PGCKA1: variants seen among roughly 807,000 people sequenced by gnomAD.
PGCKA1 encodes PDCD10 and GCKIII kinases-associated protein 1.
chr4:37,560,916 C>T, the PGCKA1 span, among the ~76,000 whole-genome samples: 1 of 151,284 alleles, frequency 6.6e-6, no homozygotes, highest in Admixed American at 6.6e-5. Context: ...ACGAAACCAT[C>T]CTATAATCCT....
chr4:37,545,943 T>C, the PGCKA1 span, among the ~76,000 whole-genome samples: 1 of 152,210 alleles, frequency 6.6e-6, no homozygotes, highest in Non-Finnish European at 1.5e-5. Flanking sequence ...GAAGTCCTAC[T>C]TTGTATTTCT....
chr4:37,559,888 G>A, the PGCKA1 span, among the ~76,000 whole-genome samples: 1 of 152,148 alleles, frequency 6.6e-6, no homozygotes, highest in African/African-American at 2.4e-5. Flanking sequence ...AGTGGTGCAT[G>A]CATTATTCTT....
At chr4:37,475,870 A>C in the PGCKA1 span, among the ~76,000 whole-genome samples, 1 of 151,922 alleles carries the variant, frequency 6.6e-6, no homozygotes, top group African/African-American at 2.4e-5. Flanking sequence ...AATTCAAAAT[A>C]ATTTTTATTT....
the PGCKA1 span, among the ~76,000 whole-genome samples, chr4:37,499,510 A>G: frequency 6.6e-6 from 1 of 152,114 alleles, no homozygotes; most frequent in Non-Finnish European, 1.5e-5. Context: ...TAAGGGATTC[A>G]ATTTCTTCCT....
the PGCKA1 span, among the ~76,000 whole-genome samples, chr4:37,567,688 C>T: frequency 9.0e-4 from 137 of 152,202 alleles, 1 homozygote; most frequent in African/African-American, 3.1e-3. Context: ...CACACACACA[C>T]GACTATACGC....
chr4:37,548,139 C>A, the PGCKA1 span, among the ~76,000 whole-genome samples: 2 of 151,156 alleles, frequency 1.3e-5, no homozygotes, highest in African/African-American at 4.9e-5. Context: ...AGTTGAGACA[C>A]GTTGAAAAAT....
the PGCKA1 span, among the ~76,000 whole-genome samples, chr4:37,507,461 G>C: frequency 2.6e-5 from 4 of 151,638 alleles, no homozygotes; most frequent in Non-Finnish European, 2.9e-5. Context: ...TTTGACTTTA[G>C]GTTACCATCT....
chr4:37,544,134 C>A, the PGCKA1 span, among the ~76,000 whole-genome samples: 1 of 152,162 alleles, frequency 6.6e-6, no homozygotes, highest in Admixed American at 6.5e-5. Context: ...CCTACCCTCT[C>A]ACTTAATTGG....
the PGCKA1 span, among the ~76,000 whole-genome samples, chr4:37,531,749 G>A: frequency 1.6e-3 from 242 of 151,290 alleles, 1 homozygote; most frequent in African/African-American, 5.3e-3. Flanking sequence ...AAAATTAGCC[G>A]GGCGTGGTGG....
chr4:37,499,778 G>T, the PGCKA1 span, among the ~76,000 whole-genome samples: 1 of 151,526 alleles, frequency 6.6e-6, no homozygotes, highest in Non-Finnish European at 1.5e-5. Context: ...ATTTTGAATG[G>T]TTTTTCATCT....
chr4:37,457,508 C>G, the PGCKA1 span, among the ~76,000 whole-genome samples: 17 of 152,264 alleles, frequency 1.1e-4, 1 homozygote, highest in East Asian at 3.1e-3. Context: ...TAAATTTATT[C>G]ACTTGATCAC....
the PGCKA1 span, among the ~76,000 whole-genome samples, chr4:37,580,821 G>A: frequency 6.6e-6 from 1 of 152,200 alleles, no homozygotes; most frequent in Non-Finnish European, 1.5e-5. Context: ...AGCCAGCCAG[G>A]CTTGTGTCCT....
chr4:37,502,879 A>T, the PGCKA1 span, among the ~76,000 whole-genome samples: 1 of 152,022 alleles, frequency 6.6e-6, no homozygotes, highest in African/African-American at 2.4e-5. Flanking sequence ...TATGGCCAGG[A>T]TGGGACCCCA....
the PGCKA1 span, among the ~76,000 whole-genome samples, chr4:37,565,379 G>C: frequency 2.6e-5 from 4 of 152,282 alleles, no homozygotes; most frequent in Non-Finnish European, 2.9e-5. Flanking sequence ...TAGAAGGGGG[G>C]GCTCTGAGAT....
At chr4:37,484,392 G>A in the PGCKA1 span, among the ~76,000 whole-genome samples, 1 of 152,108 alleles carries the variant, frequency 6.6e-6, no homozygotes, top group Admixed American at 6.5e-5. Flanking sequence ...AACAGTATTG[G>A]GGAAACCATC....
chr4:37,493,743 A>C, the PGCKA1 span, among the ~76,000 whole-genome samples: 1 of 152,002 alleles, frequency 6.6e-6, no homozygotes, highest in Non-Finnish European at 1.5e-5. Flanking sequence ...TACCCTTCTC[A>C]GCCTCTGGTA....
chr4:37,519,678 T>C, the PGCKA1 span, among the ~76,000 whole-genome samples: 1 of 152,230 alleles, frequency 6.6e-6, no homozygotes, highest in African/African-American at 2.4e-5. Flanking sequence ...TCCTTAGGTT[T>C]TTCTAAATAT....
chr4:37,524,102 G>C, the PGCKA1 span, among the ~76,000 whole-genome samples: 1 of 152,170 alleles, frequency 6.6e-6, no homozygotes, highest in African/African-American at 2.4e-5. Context: ...GAAGTATAAA[G>C]TGGGTTCTTT....
At chr4:37,515,011 TG>T in the PGCKA1 span, among the ~76,000 whole-genome samples, 1 of 152,216 alleles carries the variant, frequency 6.6e-6, no homozygotes, top group Admixed American at 6.5e-5. Context: ...CTTTTGCCAT[TG>T]TTATGGACTG....
Sources: gnomAD v4.1 joint callset for allele counts (sites outside exome capture counted in the v4.1 genomes callset) on GRCh38, gnomAD v4.1.1 for gene constraint, MANE v1.5 for transcripts, NCBI Gene and HGNC (gene_info 2026-07-23, HGNC 2026-07-21) for gene names.